The following MIGA1 variants were observed in gnomAD, a reference collection of about 807,000 sequenced individuals.
MIGA1 encodes the protein mitoguardin 1.
In MIGA1, 58 loss-of-function variants were observed where a neutral mutation model predicts 82.0. That is an observed-to-expected ratio of 0.71 (90% CI 0.57 to 0.88). The LOEUF is 0.88. Ranked by LOEUF, MIGA1 falls within the 40% of genes least tolerant of loss-of-function variation. The probability of loss-of-function intolerance (pLI) is 0.00; values close to 1 mark genes in which losing one functional copy is unlikely to be tolerated. For missense variants in MIGA1, 751 were observed against 749.1 expected (o/e 1.00, Z -0.03); for synonymous variants, 249 against 253.6 (o/e 0.98, Z 0.17).
intron 2 of MIGA1, among the ~76,000 whole-genome samples, chr1:77,796,651 T>A (rs1416131588): frequency 2.0e-5 from 3 of 152,218 alleles, no homozygotes; most frequent in Non-Finnish European, 4.4e-5. Flanking sequence ...ACTCTTTTTG[T>A]CTGTAGTCTT....
intron 7 of MIGA1, among the ~76,000 whole-genome samples, chr1:77,821,352 G>T (rs1683800289): frequency 6.7e-6 from 1 of 150,132 alleles, no homozygotes; most frequent in Non-Finnish European, 1.5e-5. Flanking sequence ...TAAATTGTTA[G>T]TTCTGAGTCA....
chr1:77,841,164 A>G (rs1456716769), intron 7 of MIGA1, among the ~76,000 whole-genome samples: 1 of 152,168 alleles, frequency 6.6e-6, no homozygotes, highest in African/African-American at 2.4e-5. Context: ...TTATAATGGA[A>G]TAATTTAACC....
intron 4 of MIGA1, among the ~76,000 whole-genome samples, chr1:77,805,536 C>CTT (rs1377829114): frequency 4.6e-5 from 2 of 43,300 alleles, no homozygotes; most frequent in Non-Finnish European, 9.7e-5. Flanking sequence ...TTTTTCTTTT[C>CTT]TTTTTTTTTT....
At chr1:77,846,570 G>A (rs1684850111) in intron 8 of MIGA1, among the ~76,000 whole-genome samples, 1 of 152,004 alleles carries the variant, frequency 6.6e-6, no homozygotes, top group South Asian at 2.1e-4. Context: ...CTGAGCTCAA[G>A]CAATCCTCCC....
chr1:77,848,137 G>A (rs768575481), intron 8 of MIGA1: 22 of 1,358,642 alleles, frequency 1.6e-5, no homozygotes, highest in South Asian at 1.4e-4. Flanking sequence ...TACACTGACC[G>A]TGATTACCAG....
intron 6 of MIGA1, 96 bp downstream of exon 6, chr1:77,813,963 C>A: frequency 7.6e-7 from 1 of 1,317,358 alleles, no homozygotes; most frequent in Non-Finnish European, 1.1e-6. Context: ...TGTTGTTACC[C>A]AGGCTGAGTC....
At chr1:77,829,092 T>G (rs929935905) in intron 7 of MIGA1, among the ~76,000 whole-genome samples, 2 of 152,184 alleles carry the variant, frequency 1.3e-5, no homozygotes, top group East Asian at 3.8e-4. Flanking sequence ...TTGGAAAGTG[T>G]TAAAGCTTTG....
At chr1:77,788,245 C>T (rs561039320) in intron 2 of MIGA1, among the ~76,000 whole-genome samples, 50 of 152,276 alleles carry the variant, frequency 3.3e-4, no homozygotes, top group Admixed American at 7.2e-4. Context: ...TCAAGTGATC[C>T]GCCTGCCTTG....
rs578036494 is a variant in MIGA1 at position 77,841,422 on chromosome 1, CTTCTGCTTGTGGTAGAAGCAGAATATA to C, written c.896-1876_896-1850del. Among the ~76,000 whole-genome samples the C allele has an allele frequency of 1.8e-3, 277 of 150,594 alleles. 1 individual carries two copies. Among genetic ancestry groups the C allele is most frequent in the African/African-American group, 6.6e-3 (273 of 41,078 alleles). ...TTGTACCAATTGTGGCTTATTCTGTCTTCTGCTTGTGGTAGAAGCAGAATATATTCTGCTTCTATACTAGGAATTCTA... is the reference window on the plus strand; with the variant it reads ...TTGTACCAATTGTGGCTTATTCTGTCTTCTGCTTCTATACTAGGAATTCTA... On this transcript the variant is annotated intron_variant, in intron 7 of 15. Coordinates refer to ENST00000370791, the MANE Select transcript of MIGA1 (RefSeq NM_198549.4).
intron 8 of MIGA1, among the ~76,000 whole-genome samples, chr1:77,857,361 A>C (rs554137866): frequency 6.9e-6 from 1 of 143,958 alleles, no homozygotes; most frequent in South Asian, 2.2e-4. Flanking sequence ...CTTGTATTGT[A>C]TTGTATTGTA....
At chr1:77,869,471 C>T (rs1271807737) in intron 14 of MIGA1, among the ~76,000 whole-genome samples, 6 of 140,870 alleles carry the variant, frequency 4.3e-5, no homozygotes, top group African/African-American at 1.3e-4. Context: ...ACCTCCCAGA[C>T]GGGGTCGTGG....
intron 13 of MIGA1, among the ~76,000 whole-genome samples, 176 bp downstream of exon 13, chr1:77,864,204 T>TA (rs1257826745): frequency 8.3e-5 from 11 of 132,202 alleles, no homozygotes; most frequent in African/African-American, 3.1e-4. Flanking sequence ...CTACTAAAAA[T>TA]ACAAAAAAAA....
chr1:77,785,709 C>G (rs1682128749), intron 2 of MIGA1, among the ~76,000 whole-genome samples: 1 of 152,206 alleles, frequency 6.6e-6, no homozygotes, highest in South Asian at 2.1e-4. Context: ...CCAGGTCATG[C>G]TGATGCAAGA....
intron 7 of MIGA1, among the ~76,000 whole-genome samples, chr1:77,819,080 CAAAAAAAAAAAA>C (rs745979095): frequency 4.7e-5 from 3 of 63,334 alleles, no homozygotes; most frequent in Non-Finnish European, 9.9e-5. Context: ...AACTCTGTCC[CAAAAAAAAAAAA>C]AAAAAGAAAA....
chr1:77,801,020 A>G (rs1682860166), intron 2 of MIGA1, among the ~76,000 whole-genome samples: 1 of 152,172 alleles, frequency 6.6e-6, no homozygotes, highest in South Asian at 2.1e-4. Context: ...TTCAGACAGA[A>G]GATTCAGTTG....
intron 14 of MIGA1, among the ~76,000 whole-genome samples, chr1:77,871,657 G>C (rs1185726965): frequency 6.6e-6 from 1 of 152,022 alleles, no homozygotes; most frequent in Non-Finnish European, 1.5e-5. Flanking sequence ...ATTTAACAAG[G>C]GAAATTCAAA....
At chr1:77,812,829 G>A (rs1417429141) in intron 5 of MIGA1, among the ~76,000 whole-genome samples, 2 of 151,924 alleles carry the variant, frequency 1.3e-5, no homozygotes, top group Non-Finnish European at 1.5e-5. Context: ...ACTTTTGATG[G>A]GTTCATTCAG....
At chr1:77,782,851 C>T (rs112559765) in intron 1 of MIGA1, 35 of 984,626 alleles carry the variant, frequency 3.6e-5, no homozygotes, top group African/African-American at 2.8e-4. Context: ...CTCTCACCCC[C>T]GCAGTTATAT....
At chr1:77,820,331 G>A (rs1683754074) in intron 7 of MIGA1, among the ~76,000 whole-genome samples, 1 of 152,080 alleles carries the variant, frequency 6.6e-6, no homozygotes, top group African/African-American at 2.4e-5. Flanking sequence ...TACTCTGACG[G>A]ATTATCCTAC....
Sources: allele counts gnomAD v4.1 joint callset (sites outside exome capture counted in the v4.1 genomes callset), GRCh38; gene constraint gnomAD v4.1.1; transcripts MANE v1.5; gene names NCBI Gene and HGNC (gene_info 2026-07-23, HGNC 2026-07-21).